Variants in PCCA observed in about 807,000 individuals in gnomAD.
The protein encoded by PCCA is propionyl-CoA carboxylase alpha chain, mitochondrial.
In PCCA, 74 loss-of-function variants were observed where a neutral mutation model predicts 101.3. The observed-to-expected ratio is 0.73, with a 90% CI of 0.61 to 0.89. PCCA has a LOEUF of 0.89. PCCA is among the 40% of genes least tolerant of loss of function. The pLI is 0.00. For synonymous variants in PCCA, 294 were observed against 313.6 expected, an observed-to-expected ratio of 0.94 and a Z score of 0.66; for missense variants, 891 against 907.0, an observed-to-expected ratio of 0.98 and a Z score of 0.23.
At chr13:100,289,604 T>G (rs1437261726) in intron 12 of PCCA, among the ~76,000 whole-genome samples, 1 of 152,066 alleles carries the variant, frequency 6.6e-6, no homozygotes, top group Non-Finnish European at 1.5e-5. Flanking sequence ...GTTTGTTGCT[T>G]GAAATAATGG....
At chr13:100,112,576 C>CCT (rs2048412353) in intron 4 of PCCA, among the ~76,000 whole-genome samples, 1 of 124,046 alleles carries the variant, frequency 8.1e-6, no homozygotes, top group African/African-American at 3.0e-5. Context: ...CACAGCAGGC[C>CCT]TTTTTTTTTT....
chr13:100,099,705 C>T (rs1292469119), intron 1 of PCCA, among the ~76,000 whole-genome samples: 1 of 151,952 alleles, frequency 6.6e-6, no homozygotes, highest in Non-Finnish European at 1.5e-5. Flanking sequence ...AGGCATGCAT[C>T]CAGTTTGTCT....
chr13:100,275,982 T>A (rs943208058), intron 12 of PCCA, among the ~76,000 whole-genome samples: 3 of 152,152 alleles, frequency 2.0e-5, no homozygotes. Context: ...TTTGTCTTTG[T>A]TTCTGGTAGT....
intron 19 of PCCA, among the ~76,000 whole-genome samples, chr13:100,422,131 C>CT (rs1567109811): frequency 4.0e-4 from 30 of 74,646 alleles, no homozygotes; most frequent in African/African-American, 1.9e-3. Context: ...TTCTTTCTTT[C>CT]TTTCTTTTTT....
At chr13:100,324,326 ACC>A (rs967645385) in intron 16 of PCCA, among the ~76,000 whole-genome samples, 1 of 152,148 alleles carries the variant, frequency 6.6e-6, no homozygotes, top group African/African-American at 2.4e-5. Flanking sequence ...TGTGGCAGTT[ACC>A]TATTTTGATA....
chr13:100,530,349 A>G lies in PCCA; in HGVS notation c.*183A>G. On this transcript the variant is annotated 3_prime_UTR_variant, in exon 24 of 24. Coordinates refer to ENST00000376285, the MANE Select transcript of PCCA (RefSeq NM_000282.4). Reference sequence around the variant, plus strand: ...ATCACCAATGGAAATTTTCATTGATATAAATACTTGTACATATGATTTGTA... The same window carrying G: ...ATCACCAATGGAAATTTTCATTGATGTAAATACTTGTACATATGATTTGTA... The G allele has an allele frequency of 3.0e-6, 2 of 659,420 alleles. No homozygotes were observed. Among genetic ancestry groups the G allele is most frequent in the Non-Finnish European group, 5.5e-6 (2 of 362,584 alleles). 40.8% of individuals were successfully genotyped at this position (659,420 alleles called of 1,614,324 possible). A position where few individuals can be genotyped will look rare whatever the true frequency, so the allele number is the denominator to read the frequency against.
chr13:100,529,629 C>T (rs1383588894), intron 23 of PCCA, among the ~76,000 whole-genome samples: 1 of 152,196 alleles, frequency 6.6e-6, no homozygotes, highest in African/African-American at 2.4e-5. Flanking sequence ...GGAGGTCCTC[C>T]TCTTACTCAG....
At chr13:100,495,303 C>G (rs769222034) in intron 21 of PCCA, among the ~76,000 whole-genome samples, 19 of 152,134 alleles carry the variant, frequency 1.2e-4, no homozygotes, top group Non-Finnish European at 2.1e-4. Context: ...TTTGTAATGT[C>G]TCGTAGCCCC....
chr13:100,137,694 A>G (rs959108134), intron 4 of PCCA, among the ~76,000 whole-genome samples: 1 of 151,092 alleles, frequency 6.6e-6, no homozygotes, highest in East Asian at 1.9e-4. Flanking sequence ...ATTTTTTCCC[A>G]TCATTTTACC....
intron 19 of PCCA, among the ~76,000 whole-genome samples, chr13:100,393,412 A>G (rs2076900156): frequency 6.9e-6 from 1 of 145,790 alleles, no homozygotes; most frequent in Non-Finnish European, 1.5e-5. Context: ...TAACTACTGA[A>G]GAGTCTTTTT....
chr13:100,342,471 T>C (rs949272124), intron 18 of PCCA, among the ~76,000 whole-genome samples: 4 of 152,046 alleles, frequency 2.6e-5, no homozygotes, highest in African/African-American at 9.7e-5. Flanking sequence ...TTTCACCATG[T>C]TGGCCAGGCT....
chr13:100,264,240 A>C lies in PCCA; in HGVS notation c.819+1409A>C, dbSNP rs111522149. On this transcript the variant is annotated intron_variant, in intron 10 of 23. Coordinates refer to ENST00000376285, the MANE Select transcript of PCCA (RefSeq NM_000282.4). ...TCTCATATATATGTGATATCTGTAT[A>C]TCATATATATGTGATATCTGTATCT... Among the ~76,000 whole-genome samples the C allele has an allele frequency of 9.1e-3, 1,116 of 122,750 alleles. 63 individuals are homozygous for C. Among genetic ancestry groups the C allele is most frequent in the African/African-American group, 0.024 (903 of 37,166 alleles). 80.5% of individuals were successfully genotyped at this position (122,750 alleles called of 152,430 possible).
At chr13:100,470,007 C>T (rs2082873706) in intron 21 of PCCA, among the ~76,000 whole-genome samples, 2 of 152,128 alleles carry the variant, frequency 1.3e-5, no homozygotes, top group Non-Finnish European at 2.9e-5. Context: ...AGAATAAGAC[C>T]ATCCCTCTGA....
chr13:100,195,095 C>CA (rs1328345187), intron 6 of PCCA, among the ~76,000 whole-genome samples: 2 of 151,834 alleles, frequency 1.3e-5, no homozygotes, highest in Non-Finnish European at 2.9e-5. Flanking sequence ...TTTAAATATT[C>CA]AAATTTAAAA....
intron 1 of PCCA, among the ~76,000 whole-genome samples, chr13:100,099,429 C>T (rs558729387): frequency 6.6e-5 from 10 of 151,478 alleles, no homozygotes; most frequent in Admixed American, 3.3e-4. Flanking sequence ...GCCATTCTCC[C>T]GCCTCAGTCT....
At chr13:100,234,995 G>A (rs541925554) in intron 7 of PCCA, among the ~76,000 whole-genome samples, 2 of 152,120 alleles carry the variant, frequency 1.3e-5, no homozygotes, top group African/African-American at 2.4e-5. Context: ...ATTCAGCAGT[G>A]TCCTGTGTTG....
Position 100,427,164 on chromosome 13 carries a change from C to A in PCCA, c.1845+1433C>A, listed in dbSNP as rs139744546. 7.4e-4 allele frequency among the ~76,000 whole-genome samples: 112 copies of A among 152,318 alleles called. 1 individual carries two copies. Among genetic ancestry groups the A allele is most frequent in the African/African-American group, 2.7e-3 (111 of 41,580 alleles). The stretch of plus-strand genomic sequence containing the variant: ...TCTGGGAAGCAGAGGTTGCAGTGAG[C>A]CAGGATCACGCCATTGCACTGCAGC... On this transcript the variant is annotated intron_variant, in intron 20 of 23. Transcript: ENST00000376285.
chr13:100,299,625 G>A (rs2065900822), intron 12 of PCCA, among the ~76,000 whole-genome samples: 1 of 152,200 alleles, frequency 6.6e-6, no homozygotes, highest in Non-Finnish European at 1.5e-5. Flanking sequence ...AGAGGAAACT[G>A]AATGGTTCAC....
chr13:100,163,618 T>C (rs1009643991), intron 6 of PCCA, among the ~76,000 whole-genome samples: 1 of 152,218 alleles, frequency 6.6e-6, no homozygotes, highest in African/African-American at 2.4e-5. Context: ...TGAGATTTAA[T>C]TCATGTGTCA....
Sources: allele counts gnomAD v4.1 joint callset (sites outside exome capture counted in the v4.1 genomes callset), GRCh38; gene constraint gnomAD v4.1.1; transcripts MANE v1.5; gene names NCBI Gene and HGNC (gene_info 2026-07-23, HGNC 2026-07-21).